The following SNX24 variants were observed in gnomAD, a reference collection of about 807,000 sequenced individuals.
SNX24 encodes sorting nexin 24, also known as sorting nexin-24.
A neutral mutation model predicts 28.7 loss-of-function variants in SNX24; 22 were observed. The observed-to-expected ratio is 0.77, with a 90% CI of 0.55 to 1.10. The LOEUF (loss-of-function observed/expected upper bound fraction) is 1.10. SNX24 is among the 50% of genes least tolerant of loss of function. The pLI, the probability that SNX24 is intolerant of heterozygous loss-of-function variation, is 0.00. For synonymous variants in SNX24, 69 were observed against 71.5 expected, an observed-to-expected ratio of 0.96 and a Z score of 0.18; for missense variants, 221 against 201.1, an observed-to-expected ratio of 1.10 and a Z score of -0.60.
intron 1 of SNX24, among the ~76,000 whole-genome samples, chr5:122,920,924 C>T (rs1279006786): frequency 6.6e-6 from 1 of 152,158 alleles, no homozygotes; most frequent in Non-Finnish European, 1.5e-5. Flanking sequence ...CAGTATCTCA[C>T]TATGCTGCAC....
rs752538880 is a variant in SNX24 at position 122,946,051 on chromosome 5, A to G, written c.145-4A>G. The G allele has an allele frequency of 2.1e-6, 3 of 1,400,888 alleles. No individual in the cohort carries two copies. Among genetic ancestry groups the G allele is most frequent in the Admixed American group, 4.0e-5 (2 of 49,430 alleles). 86.8% of individuals were successfully genotyped at this position (1,400,888 alleles called of 1,614,324 possible). On this transcript the variant is annotated splice_polypyrimidine_tract_variant and splice_region_variant and intron_variant, in intron 2 of 6. Transcript: ENST00000261369. ...CTTTTTCTTTTCCTATTCTGTCTTT[A>G]TAGCTTAAGAAATGTATAAAAACTC...
At chr5:122,869,983 A>G (rs1755900939) in intron 1 of SNX24, among the ~76,000 whole-genome samples, 1 of 151,520 alleles carries the variant, frequency 6.6e-6, no homozygotes, top group African/African-American at 2.4e-5. Context: ...TCAGCCATTC[A>G]TTAGTAGTAC....
At chr5:122,921,206 A>G (rs1396922332) in intron 1 of SNX24, among the ~76,000 whole-genome samples, 1 of 151,752 alleles carries the variant, frequency 6.6e-6, no homozygotes, top group African/African-American at 2.4e-5. Context: ...GCTGTGTTTC[A>G]ATTGGATGTA....
At chr5:122,894,687 T>C (rs1757124257) in intron 1 of SNX24, among the ~76,000 whole-genome samples, 1 of 152,210 alleles carries the variant, frequency 6.6e-6, no homozygotes, top group Non-Finnish European at 1.5e-5. Flanking sequence ...ATAAGATATA[T>C]TTTCTGCCCC....
chr5:122,887,909 G>C (rs973716857), intron 1 of SNX24, among the ~76,000 whole-genome samples: 1 of 152,132 alleles, frequency 6.6e-6, no homozygotes, highest in African/African-American at 2.4e-5. Context: ...CACCATGTTG[G>C]TCAGGCTGGT....
chr5:122,964,084 A>T (rs1197796401), intron 3 of SNX24, among the ~76,000 whole-genome samples: 1 of 151,844 alleles, frequency 6.6e-6, no homozygotes, highest in Non-Finnish European at 1.5e-5. Flanking sequence ...CTACTTTAAA[A>T]ATACAAAAAT....
intron 1 of SNX24, among the ~76,000 whole-genome samples, chr5:122,881,000 C>A (rs1456686423): frequency 2.0e-5 from 3 of 152,192 alleles, no homozygotes; most frequent in African/African-American, 7.2e-5. Flanking sequence ...GTATCTGACT[C>A]TTGGCCTGCG....
chr5:122,859,591 G>C (rs1365658052), intron 1 of SNX24, among the ~76,000 whole-genome samples: 1 of 152,152 alleles, frequency 6.6e-6, no homozygotes, highest in Admixed American at 6.5e-5. Flanking sequence ...GGCAGAGCAA[G>C]ACACTATCTC....
chr5:122,854,547 T>G (rs1196844005), intron 1 of SNX24, among the ~76,000 whole-genome samples: 2 of 151,626 alleles, frequency 1.3e-5, no homozygotes, highest in Non-Finnish European at 2.9e-5. Context: ...AAACATAGTG[T>G]TACTTATGTA....
intron 1 of SNX24, among the ~76,000 whole-genome samples, chr5:122,851,896 T>C (rs1754935450): frequency 6.6e-6 from 1 of 152,060 alleles, no homozygotes; most frequent in Admixed American, 6.6e-5. Context: ...ACCTGACAGG[T>C]AAAAACTTTT....
intron 3 of SNX24, among the ~76,000 whole-genome samples, chr5:122,976,293 TAA>T (rs5871019): frequency 0.026 from 3,478 of 134,688 alleles, 106 homozygotes; most frequent in African/African-American, 0.075. Context: ...ACTCAGTCAT[TAA>T]AAAAAAAAAA....
chr5:122,847,862 C>T (rs936815815), intron 1 of SNX24, among the ~76,000 whole-genome samples: 5 of 151,956 alleles, frequency 3.3e-5, no homozygotes, highest in Admixed American at 2.6e-4. Flanking sequence ...ATACTTTTCC[C>T]CTCTGCACAA....
chr5:122,909,161 G>T (rs1757771427), intron 1 of SNX24, among the ~76,000 whole-genome samples: 1 of 152,162 alleles, frequency 6.6e-6, no homozygotes, highest in Admixed American at 6.5e-5. Flanking sequence ...GAGTACCCCA[G>T]TTAGACTCTT....
intron 3 of SNX24, among the ~76,000 whole-genome samples, chr5:122,962,268 T>C (rs955300888): frequency 1.3e-5 from 2 of 152,222 alleles, no homozygotes; most frequent in Non-Finnish European, 2.9e-5. Context: ...ATGATATTTC[T>C]TTTCATATTT....
chr5:122,863,356 T>G (rs1388249398), intron 1 of SNX24, among the ~76,000 whole-genome samples: 3 of 151,844 alleles, frequency 2.0e-5, no homozygotes, highest in Non-Finnish European at 2.9e-5. Flanking sequence ...ATAGTGTGTT[T>G]TAGGAATAGA....
At chr5:122,892,493 G>C (rs886984413) in intron 1 of SNX24, among the ~76,000 whole-genome samples, 1 of 151,550 alleles carries the variant, frequency 6.6e-6, no homozygotes, top group African/African-American at 2.4e-5. Context: ...GCTTTGGAGT[G>C]CAGTGGCGTG....
chr5:122,951,878 T>C (rs1759958657), intron 3 of SNX24, among the ~76,000 whole-genome samples: 1 of 152,090 alleles, frequency 6.6e-6, no homozygotes, highest in Admixed American at 6.6e-5. Context: ...AGGCAGAGCA[T>C]GGGGTGCGCA....
At chr5:122,987,557 G>A (rs1344529635) in intron 3 of SNX24, among the ~76,000 whole-genome samples, 1 of 152,216 alleles carries the variant, frequency 6.6e-6, no homozygotes, top group East Asian at 1.9e-4. Context: ...ATGAATGAGA[G>A]ATTGCTGGGA....
At chr5:122,850,762 G>T (rs1754875237) in intron 1 of SNX24, among the ~76,000 whole-genome samples, 1 of 148,062 alleles carries the variant, frequency 6.8e-6, no homozygotes, top group Non-Finnish European at 1.5e-5. Flanking sequence ...TAGAAATATG[G>T]CTCTAAGGGG....
Sources: allele counts gnomAD v4.1 joint callset (sites outside exome capture counted in the v4.1 genomes callset), GRCh38; gene constraint gnomAD v4.1.1; transcripts MANE v1.5; gene names NCBI Gene and HGNC (gene_info 2026-07-23, HGNC 2026-07-21).